PARD3: variants seen among roughly 807,000 people sequenced by gnomAD.
PARD3 encodes the protein par-3 family cell polarity regulator.
Under a neutral mutation model 155.4 loss-of-function variants are expected in PARD3, and 75 were observed. The observed-to-expected ratio is 0.48, with a 90% CI of 0.40 to 0.58. The LOEUF (loss-of-function observed/expected upper bound fraction) is 0.58, where lower values mean the gene tolerates loss of function less well. Among genes scored for constraint, PARD3 ranks in the 20% least tolerant of loss-of-function variants. PARD3 has a pLI of 0.00. For synonymous variants in PARD3, 576 were observed against 610.5 expected (o/e 0.94, Z 0.83); for missense variants, 1,642 against 1,721.7 (o/e 0.95, Z 0.82).
intron 3 of PARD3, among the ~76,000 whole-genome samples, chr10:34,484,907 T>C (rs746010347): frequency 9.8e-5 from 15 of 152,350 alleles, no homozygotes; most frequent in South Asian, 4.1e-4. Context: ...GATCGTGTCA[T>C]TGTGTTTGCC....
Position 34,441,339 on chromosome 10 carries a change from T to A in PARD3, c.714+8978A>T, listed in dbSNP as rs868416899. Among the ~76,000 whole-genome samples the A allele has an allele frequency of 3.3e-5, 5 of 152,218 alleles. No homozygotes were observed. In the South Asian group the frequency reaches 8.3e-4, roughly 25 times the overall value. On this transcript the variant is annotated intron_variant, in intron 5 of 24. Coordinates refer to ENST00000374788, the MANE Select transcript of PARD3 (RefSeq NM_001184785.2). ...GGTCTGCACTGGAATGTGTGCTGTG[T>A]CACTTCAGCTTTGCCCACAAAGTTA...
At chr10:34,733,206 C>T (rs2094849909) in intron 1 of PARD3, among the ~76,000 whole-genome samples, 1 of 152,212 alleles carries the variant, frequency 6.6e-6, no homozygotes, top group Non-Finnish European at 1.5e-5. Flanking sequence ...CCGTTAATCA[C>T]CATCCACAAA....
chr10:34,594,026 C>T (rs988101525), intron 2 of PARD3, among the ~76,000 whole-genome samples: 10 of 152,118 alleles, frequency 6.6e-5, no homozygotes, highest in Admixed American at 1.3e-4. Flanking sequence ...TGAAGCTAAC[C>T]CATTTTTCAT....
At chr10:34,323,270 T>C (rs751826704) in intron 19 of PARD3, among the ~76,000 whole-genome samples, 1 of 152,188 alleles carries the variant, frequency 6.6e-6, no homozygotes, top group Non-Finnish European at 1.5e-5. Context: ...TTCTGGACTC[T>C]GACTTTTAAC....
intron 22 of PARD3, among the ~76,000 whole-genome samples, chr10:34,229,326 C>T (rs1952789359): frequency 6.6e-6 from 1 of 152,088 alleles, no homozygotes; most frequent in South Asian, 2.1e-4. Context: ...TCAAGCAATT[C>T]TCCCACCTTG....
At chr10:34,378,183 C>G (rs572977853) in intron 9 of PARD3, 77 bp from the exon 10 acceptor site, 4 of 1,038,692 alleles carry the variant, frequency 3.9e-6, no homozygotes, top group Admixed American at 5.3e-5. Context: ...CCAGTATACT[C>G]AACCTCAACT....
At chr10:34,595,621 C>T (rs932663608) in intron 2 of PARD3, among the ~76,000 whole-genome samples, 5 of 152,070 alleles carry the variant, frequency 3.3e-5, no homozygotes, top group Non-Finnish European at 7.4e-5. Flanking sequence ...GTGTCTGGTA[C>T]TATAACCTTC....
intron 5 of PARD3, among the ~76,000 whole-genome samples, chr10:34,449,197 G>A (rs1479015326): frequency 1.3e-5 from 2 of 151,998 alleles, no homozygotes; most frequent in African/African-American, 4.8e-5. Flanking sequence ...GATTACAGGA[G>A]TGGGCCACCG....
At chr10:34,687,130 A>G (rs1036785344) in intron 2 of PARD3, among the ~76,000 whole-genome samples, 1 of 152,202 alleles carries the variant, frequency 6.6e-6, no homozygotes, top group Admixed American at 6.5e-5. Context: ...TCCTAACCTG[A>G]AAATTCTGCC....
intron 1 of PARD3, among the ~76,000 whole-genome samples, chr10:34,707,295 T>C (rs2094380114): frequency 6.6e-6 from 1 of 151,270 alleles, no homozygotes. Flanking sequence ...TAAAACCAAG[T>C]CTGAAAAGCC....
At chr10:34,432,333 C>CGCAT (rs2075981103) in intron 5 of PARD3, among the ~76,000 whole-genome samples, 1 of 74,968 alleles carries the variant, frequency 1.3e-5, no homozygotes, top group South Asian at 5.0e-4. Context: ...TATACACGTG[C>CGCAT]ACATACACAC....
intron 2 of PARD3, among the ~76,000 whole-genome samples, chr10:34,623,021 G>GT (rs1284399658): frequency 1.3e-5 from 2 of 152,002 alleles, no homozygotes; most frequent in Non-Finnish European, 2.9e-5. Flanking sequence ...TATAAGAGCT[G>GT]TAAGAGTGTA....
intron 12 of PARD3, among the ~76,000 whole-genome samples, chr10:34,371,274 C>T (rs902102507): frequency 6.6e-6 from 1 of 151,662 alleles, no homozygotes; most frequent in Non-Finnish European, 1.5e-5. Flanking sequence ...GATATAATTG[C>T]CCTATTTATT....
chr10:34,685,195 A>G (rs1324787466), intron 2 of PARD3, among the ~76,000 whole-genome samples: 2 of 152,190 alleles, frequency 1.3e-5, no homozygotes, highest in African/African-American at 2.4e-5. Flanking sequence ...GAATAACTAA[A>G]TTATTCCTTT....
rs772221524 is a variant in PARD3, at chr10:34,359,173, C to T, written c.2041G>A (p.Ala681Thr). ...NKRGMIQLIV[A>T]RRISKCNELK... ...TCATTGCACTTGCTTATTCTCCTTG[C>T]AACAATAAGCTGGATCATTCCTCGT... is the stretch of plus-strand genomic sequence containing the variant. The change falls in exon 14 of 25, where the codon GCA becomes ACA. Residue 681 changes from alanine (A) to threonine (T), a missense_variant. Transcript: ENST00000374788. 6.2e-6 allele frequency: 10 copies of T among 1,613,236 alleles called. No individual in the cohort carries two copies. The highest frequency in any genetic ancestry group is 6.8e-6 in the Non-Finnish European group (8 of 1,179,718).
intron 22 of PARD3, among the ~76,000 whole-genome samples, chr10:34,219,250 G>A (rs1312604151): frequency 6.6e-6 from 1 of 152,130 alleles, no homozygotes; most frequent in Non-Finnish European, 1.5e-5. Flanking sequence ...CCCAACTGTG[G>A]CAGAGGGGCC....
chr10:34,766,916 G>T (rs1041345098), intron 1 of PARD3, among the ~76,000 whole-genome samples: 13 of 152,168 alleles, frequency 8.5e-5, no homozygotes, highest in Non-Finnish European at 5.9e-5. Context: ...AACTGAGTTA[G>T]GTCCTAAAGA....
intron 2 of PARD3, among the ~76,000 whole-genome samples, chr10:34,585,064 T>C (rs997680235): frequency 3.3e-5 from 5 of 152,190 alleles, no homozygotes; most frequent in African/African-American, 1.2e-4. Flanking sequence ...AGATTTAATA[T>C]ATTGCTTAGC....
intron 22 of PARD3, among the ~76,000 whole-genome samples, chr10:34,145,828 T>G (rs1948480096): frequency 6.6e-6 from 1 of 152,216 alleles, no homozygotes; most frequent in Non-Finnish European, 1.5e-5. Context: ...CATGTTTTTC[T>G]GCCCTTTTAT....
Sources: gnomAD v4.1 joint callset for allele counts (sites outside exome capture counted in the v4.1 genomes callset) on GRCh38, gnomAD v4.1.1 for gene constraint, MANE v1.5 for transcripts, NCBI Gene and HGNC (gene_info 2026-07-23, HGNC 2026-07-21) for gene names.